PPP6C: variants seen among roughly 807,000 people sequenced by gnomAD.
PPP6C encodes the protein protein phosphatase 6 catalytic subunit, also known as serine/threonine-protein phosphatase 6 catalytic subunit.
PPP6C carries 11 observed loss-of-function variants against 39.8 expected under a neutral mutation model. That is an observed-to-expected ratio of 0.28 (90% CI 0.17 to 0.46). The LOEUF is 0.46. PPP6C is among the 20% of genes least tolerant of loss of function. The pLI, the probability that PPP6C is intolerant of heterozygous loss-of-function variation, is 1.00. For missense variants in PPP6C, 211 were observed against 373.9 expected (o/e 0.56, Z 3.59); for synonymous variants, 129 against 130.3 (o/e 0.99, Z 0.07).
chr9:125,153,522 G>A lies in PPP6C; in HGVS notation c.669+11C>T, dbSNP rs767363973. ...ATCCACAAATTACATTTCCAAAAAT[G>A]TTGGCTTTACCTCATTTGTGACCTT... is the stretch of plus-strand genomic sequence containing the variant. On this transcript the variant is annotated intron_variant, in intron 6 of 6. Coordinates refer to ENST00000373547, the MANE Select transcript of PPP6C (RefSeq NM_002721.5). 6.2e-7 allele frequency: 1 copy of A among 1,612,722 alleles called. No individual in the cohort carries two copies. Among genetic ancestry groups the A allele is most frequent in the Non-Finnish European group, 8.5e-7 (1 of 1,179,088 alleles).
intron 4 of PPP6C, 137 bp from the exon 5 acceptor site, chr9:125,154,122 C>G: frequency 4.6e-6 from 3 of 657,116 alleles, no homozygotes; most frequent in Non-Finnish European, 7.8e-6. Context: ...ATATTTAGTC[C>G]TGCTAGGACC....
intron 1 of PPP6C, among the ~76,000 whole-genome samples, chr9:125,185,130 G>A (rs539088341): frequency 2.6e-5 from 4 of 152,014 alleles, no homozygotes; most frequent in South Asian, 4.1e-4. Context: ...CTTCCATTTA[G>A]CCAGGTATGG....
At chr9:125,156,800 G>T (rs915727711) in intron 4 of PPP6C, among the ~76,000 whole-genome samples, 1 of 148,578 alleles carries the variant, frequency 6.7e-6, no homozygotes, top group Non-Finnish European at 1.5e-5. Flanking sequence ...AAGTTTTAAA[G>T]AATTAGCTAG....
intron 4 of PPP6C, among the ~76,000 whole-genome samples, chr9:125,155,243 A>T (rs1836039808): frequency 6.6e-6 from 1 of 152,138 alleles, no homozygotes; most frequent in Non-Finnish European, 1.5e-5. Flanking sequence ...TTCTTTTGTT[A>T]ACACCATGGA....
At chr9:125,159,753 T>C (rs891067463) in intron 3 of PPP6C, among the ~76,000 whole-genome samples, 2 of 152,226 alleles carry the variant, frequency 1.3e-5, no homozygotes, top group Non-Finnish European at 2.9e-5. Flanking sequence ...GGCTCACCCC[T>C]GTAATCCCAG....
chr9:125,152,913 GA>G (rs59385050), intron 6 of PPP6C, among the ~76,000 whole-genome samples: 49,548 of 141,388 alleles, frequency 0.35, 9,437 homozygotes, highest in Non-Finnish European at 0.46. Context: ...AGGTCTTTGA[GA>G]AAAAAAAAAA....
chr9:125,184,834 T>C (rs1829492318), intron 1 of PPP6C, among the ~76,000 whole-genome samples: 1 of 151,502 alleles, frequency 6.6e-6, no homozygotes, highest in African/African-American at 2.4e-5. Context: ...ATACAAAAAT[T>C]AGCTGGGTGT....
chr9:125,167,379 C>CAAAAAAAAAAAAAAAAAAAAAAAAAAA (rs758123351), intron 2 of PPP6C, among the ~76,000 whole-genome samples: 1 of 56,096 alleles, frequency 1.8e-5, no homozygotes, highest in African/African-American at 7.6e-5. Flanking sequence ...AGACCCTGTC[C>CAAAAAAAAAAAAAAAAAAAAAAAAAAA]AAAAAAAAAA....
chr9:125,157,634 C>T (rs972088399), intron 4 of PPP6C, among the ~76,000 whole-genome samples: 1 of 151,776 alleles, frequency 6.6e-6, no homozygotes. Context: ...TCTAGATTCC[C>T]ACTCCAAAAT....
At chr9:125,187,560 G>A (rs186876551) in intron 1 of PPP6C, among the ~76,000 whole-genome samples, 20 of 151,822 alleles carry the variant, frequency 1.3e-4, no homozygotes, top group Non-Finnish European at 2.8e-4. Flanking sequence ...CTGAGATTAC[G>A]CCACTGTGCC....
In PPP6C at chr9:125,188,816, A is replaced by ATAATAATAT. The variant is rs1829590909; in HGVS notation, c.75+827_75+828insATATTATTA. On this transcript the variant is annotated intron_variant, in intron 1 of 6. Coordinates refer to ENST00000373547, the MANE Select transcript of PPP6C (RefSeq NM_002721.5). ...AACAATAATAATAATAATAATAATA[A>ATAATAATAT]TAATTAAAAAGTTTTAAAAAAGAAA... The ATAATAATAT allele has an allele frequency of 1.2e-5, 5 of 409,356 alleles. No individual in the cohort carries two copies. The South Asian group carries it at 2.9e-4, about 24-fold the overall frequency. 25.4% of individuals were successfully genotyped at this position (409,356 alleles called of 1,614,324 possible).
At chr9:125,175,400 A>G (rs1164058755) in intron 1 of PPP6C, among the ~76,000 whole-genome samples, 1 of 152,016 alleles carries the variant, frequency 6.6e-6, no homozygotes, top group Non-Finnish European at 1.5e-5. Flanking sequence ...GCACTTTGGG[A>G]GGCCGAGGCG....
chr9:125,150,640 T>C (rs967558725), intron 6 of PPP6C: 5 of 972,058 alleles, frequency 5.1e-6, no homozygotes, highest in Admixed American at 3.8e-5. Flanking sequence ...TTAGGGTAGT[T>C]GGCCAGGATC....
chr9:125,161,041 C>A, intron 2 of PPP6C, 135 bp from the exon 3 acceptor site: 1 of 500,584 alleles, frequency 2.0e-6, no homozygotes, highest in Non-Finnish European at 3.4e-6. Flanking sequence ...AAAGTGTAAG[C>A]CAAACTGCCA....
Position 125,172,125 on chromosome 9 carries a change from T to TC in PPP6C, c.76-946dup, listed in dbSNP as rs1171262917. 18 of 347,796 alleles carry TC rather than the reference T, an allele frequency of 5.2e-5. No individual in the cohort carries two copies. In the Middle Eastern group the frequency reaches 2.3e-3, roughly 44 times the overall value. The allele number at this position is 347,796 out of a possible 1,614,324, so 21.5% of individuals were successfully genotyped here. A position where few individuals can be genotyped will look rare whatever the true frequency, so the allele number is the denominator to read the frequency against. On this transcript the variant is annotated intron_variant, in intron 1 of 6. Transcript: ENST00000373547. ...ACTGCCACACAACAACCTGGATTCA[T>TC]CTCAAGGCATTTATGTTGAGTGAAA... is the stretch of plus-strand genomic sequence containing the variant.
intron 1 of PPP6C, among the ~76,000 whole-genome samples, chr9:125,174,458 C>T (rs1176011859): frequency 6.7e-6 from 1 of 149,954 alleles, no homozygotes; most frequent in Non-Finnish European, 1.5e-5. Context: ...CTTAAAATAG[C>T]ACCTCAAAGG....
At chr9:125,171,468 CACACACACACATAT>C (rs1165489860) in intron 1 of PPP6C, among the ~76,000 whole-genome samples, 4 of 71,554 alleles carry the variant, frequency 5.6e-5, no homozygotes, top group African/African-American at 3.1e-4. Flanking sequence ...TATACACACA[CACACACACACATAT>C]ATATATATAT....
intron 1 of PPP6C, among the ~76,000 whole-genome samples, chr9:125,179,655 CTTTTTT>C (rs56221170): frequency 7.6e-6 from 1 of 132,440 alleles, no homozygotes; most frequent in African/African-American, 2.8e-5. Context: ...TTCTCTCTCT[CTTTTTT>C]TTTTTTTTTT....
intron 6 of PPP6C, chr9:125,151,070 A>G (rs961303305): frequency 6.8e-6 from 9 of 1,331,110 alleles, no homozygotes; most frequent in Non-Finnish European, 9.8e-6. Flanking sequence ...AACCCAGTGG[A>G]CTATCTGTAT....
Sources: allele counts gnomAD v4.1 joint callset (sites outside exome capture counted in the v4.1 genomes callset), GRCh38; gene constraint gnomAD v4.1.1; transcripts MANE v1.5; gene names NCBI Gene and HGNC (gene_info 2026-07-23, HGNC 2026-07-21).